C17orf78: variants seen among roughly 807,000 people sequenced by gnomAD.
C17orf78 encodes the protein chromosome 17 open reading frame 78.
A neutral mutation model predicts 31.8 loss-of-function variants in C17orf78; 27 were observed. The observed-to-expected ratio is 0.85, with a 90% CI of 0.63 to 1.17. The LOEUF (loss-of-function observed/expected upper bound fraction) is 1.17, where lower values mean the gene tolerates loss of function less well. C17orf78 is among the 50% of genes most tolerant of loss of function. C17orf78 has a pLI of 0.00. For synonymous variants in C17orf78, 106 were observed against 115.1 expected (o/e 0.92, Z 0.51); for missense variants, 258 against 315.2 (o/e 0.82, Z 1.37).
chr17:37,377,359 T>G (rs1456579217), intron 1 of C17orf78, among the ~76,000 whole-genome samples: 1 of 152,152 alleles, frequency 6.6e-6, no homozygotes, highest in African/African-American at 2.4e-5. Context: ...TGTATTTGGC[T>G]GGGTGTTCTT....
intron 3 of C17orf78, among the ~76,000 whole-genome samples, chr17:37,383,023 C>T (rs922795395): frequency 1.3e-5 from 2 of 152,120 alleles, no homozygotes; most frequent in Non-Finnish European, 2.9e-5. Context: ...GGCAATAGAG[C>T]GAGACTCCAT....
At chr17:37,380,904 T>TCTATATTCTACTAGCCCCCTATTGATATA (rs1568079850) in intron 3 of C17orf78, among the ~76,000 whole-genome samples, 3 of 151,574 alleles carry the variant, frequency 2.0e-5, no homozygotes, top group African/African-American at 7.3e-5. Flanking sequence ...CCAGGTTTTT[T>TCTATATTCTACTAGCCCCCTATTGATATA]TTTTTTTTAA....
At chr17:37,376,258 T>TTA (rs2049998285) in intron 1 of C17orf78, 108 bp downstream of exon 1, 1 of 919,528 alleles carries the variant, frequency 1.1e-6, no homozygotes, top group African/African-American at 1.6e-5. Flanking sequence ...CAGCAAGCAA[T>TTA]ACTTTCCAGA....
Position 37,376,055 on chromosome 17 carries a change from C to G in C17orf78, c.-38C>G. On this transcript the variant is annotated 5_prime_UTR_variant, in exon 1 of 7. Transcript: ENST00000615133. ...GCTATCAAGGGCTGTGACAGATGAG[C>G]AGTGGTCTGTCTGCAATGAGCATGT... 6.4e-7 allele frequency: 1 copy of G among 1,563,234 alleles called. No homozygotes were observed. Among genetic ancestry groups the G allele is most frequent in the Middle Eastern group, 1.7e-4 (1 of 5,968 alleles).
intron 6 of C17orf78, 22 bp downstream of exon 6, chr17:37,389,384 T>G: frequency 1.3e-6 from 2 of 1,559,788 alleles, no homozygotes; most frequent in Non-Finnish European, 1.7e-6. Flanking sequence ...CTGTGTGGTT[T>G]ATGTCATTTG....
chr17:37,381,767 A>G (rs889511113), intron 3 of C17orf78, among the ~76,000 whole-genome samples: 24 of 151,408 alleles, frequency 1.6e-4, no homozygotes, highest in Admixed American at 7.3e-4. Flanking sequence ...AGCTGGGACT[A>G]CAGGCACTCG....
At position 37,377,899 on chromosome 17, in the gene C17orf78, C is replaced by T. The variant is rs369234656; in HGVS notation, c.79C>T (p.Arg27Ter). 142 of 1,613,372 alleles carry T rather than the reference C, an allele frequency of 8.8e-5. No homozygotes were observed. Among genetic ancestry groups the T allele is most frequent in the Non-Finnish European group, 1.1e-4 (133 of 1,179,732 alleles). The change falls in exon 2 of 7, where the codon CGA (arginine) becomes TGA (stop). Residue 27 changes from arginine to a stop codon, truncating the protein, a stop_gained. Transcript: ENST00000615133. LOFTEE classifies it high-confidence loss of function. Reference protein sequence around the residue: ...NKKDLRDSSCRLEQLPGIFPK... With the variant: ...NKKDLRDSSC ...CCCAGACCTCAGAGATAGCAGTTGC[C>T]GACTGGAACAGCTGCCTGGGATCTT...
intron 2 of C17orf78, among the ~76,000 whole-genome samples, chr17:37,378,188 A>G (rs1043984670): frequency 3.9e-5 from 6 of 152,192 alleles, no homozygotes; most frequent in Non-Finnish European, 5.9e-5. Flanking sequence ...AAAGAGAAGG[A>G]GGCAGAACCT....
In C17orf78 at chr17:37,379,159, G is replaced by A; in HGVS notation, c.168G>A (p.Arg56=). Residue 56 remains arginine, a synonymous_variant, in exon 3 of 7, where the codon AGG becomes AGA. Transcript: ENST00000615133. ...CAGAAACTCACACAGAAACCAAAAG[G>A]ACAACATTCATTCAAAACCGGACTA... The part of the protein sequence containing the change: ...QMQETHTETK[R]TTFIQNRTIA... 1.2e-6 allele frequency: 2 copies of A among 1,613,672 alleles called. No individual in the cohort carries two copies. Among genetic ancestry groups the A allele is most frequent in the Non-Finnish European group, 1.7e-6 (2 of 1,179,806 alleles).
At chr17:37,385,917 T>A (rs2050505469) in intron 3 of C17orf78, 92 bp from the exon 4 acceptor site, 1 of 826,588 alleles carries the variant, frequency 1.2e-6, no homozygotes, top group African/African-American at 1.7e-5. Flanking sequence ...AATTGGAAGT[T>A]TACTATCAGC....
chr17:37,376,544 T>G (rs2050010374), intron 1 of C17orf78, among the ~76,000 whole-genome samples: 1 of 152,108 alleles, frequency 6.6e-6, no homozygotes, highest in South Asian at 2.1e-4. Flanking sequence ...TATTCTTGGG[T>G]GGGGAGAGCT....
At chr17:37,382,326 TC>T (rs1378090874) in intron 3 of C17orf78, among the ~76,000 whole-genome samples, 1 of 151,918 alleles carries the variant, frequency 6.6e-6, no homozygotes, top group Non-Finnish European at 1.5e-5. Context: ...TGCCCTCCTT[TC>T]CTTTTCTCAC....
chr17:37,390,291 A>G (rs1186697760), intron 6 of C17orf78, among the ~76,000 whole-genome samples: 1 of 45,112 alleles, frequency 2.2e-5, no homozygotes, highest in Non-Finnish European at 3.5e-5. Context: ...ATATAATTAT[A>G]TATTATACAT....
intron 6 of C17orf78, among the ~76,000 whole-genome samples, chr17:37,390,131 A>T (rs1470028264): frequency 3.1e-5 from 1 of 32,154 alleles, no homozygotes; most frequent in Non-Finnish European, 5.1e-5. Context: ...GTCTCTATTA[A>T]AAAAAAAAGT....
chr17:37,389,458 A>T, intron 6 of C17orf78, 96 bp downstream of exon 6: 1 of 1,458,378 alleles, frequency 6.9e-7, no homozygotes, highest in Non-Finnish European at 9.1e-7. Flanking sequence ...GCACTTTGAG[A>T]GGCTGAGGCA....
At chr17:37,390,304 T>TATATATA (rs2050786450) in intron 6 of C17orf78, among the ~76,000 whole-genome samples, 1 of 17,988 alleles carries the variant, frequency 5.6e-5, no homozygotes, top group Non-Finnish European at 8.1e-5. Context: ...TTATACATAA[T>TATATATA]TATATATATA....
At chr17:37,391,433 C>A (rs2147811292) in intron 6 of C17orf78, among the ~76,000 whole-genome samples, 1 of 152,238 alleles carries the variant, frequency 6.6e-6, no homozygotes, top group South Asian at 2.1e-4. Flanking sequence ...AATTACTTTG[C>A]TAGTGGGTTA....
Position 37,377,705 on chromosome 17 carries a change from A to AT in C17orf78, c.59-174_59-173insT, listed in dbSNP as rs60892330. ...AATAAATAAATAAATAAATAAATAA[A>AT]AGTAAAGTCTTTTTAGAGAGTGTTT... is the stretch of plus-strand genomic sequence containing the variant. On this transcript the variant is annotated intron_variant, in intron 1 of 6. Coordinates refer to ENST00000615133, the MANE Select transcript of C17orf78 (RefSeq NM_173625.5). 2.7e-5 allele frequency among the ~76,000 whole-genome samples: 4 copies of AT among 150,194 alleles called. No individual in the cohort carries two copies. In the East Asian group the frequency reaches 6.0e-4, roughly 22 times the overall value.
chr17:37,390,194 T>A lies in C17orf78; in HGVS notation c.750+832T>A, dbSNP rs1241534516. The stretch of plus-strand genomic sequence containing the variant: ...TATATATACACACACACATTATATA[T>A]AAATATATATAATTATATATTTATT... On this transcript the variant is annotated intron_variant, in intron 6 of 6. Transcript: ENST00000615133. Among the ~76,000 whole-genome samples, 263 of 76,178 alleles carry A rather than the reference T, an allele frequency of 3.5e-3. 8 individuals are homozygous for A. Among genetic ancestry groups the A allele is most frequent in the African/African-American group, 0.016 (254 of 15,524 alleles). The allele number at this position is 76,178 out of a possible 152,430, so 50.0% of individuals were successfully genotyped here.
Sources: gnomAD v4.1 joint callset for allele counts (sites outside exome capture counted in the v4.1 genomes callset) on GRCh38, gnomAD v4.1.1 for gene constraint, MANE v1.5 for transcripts, NCBI Gene and HGNC (gene_info 2026-07-23, HGNC 2026-07-21) for gene names.